NRXN1: variants seen among roughly 807,000 people sequenced by gnomAD.
NRXN1 encodes neurexin-1.
A neutral mutation model predicts 150.9 loss-of-function variants in NRXN1; 39 were observed. The observed-to-expected ratio is 0.26, with a 90% CI of 0.20 to 0.34. The LOEUF (loss-of-function observed/expected upper bound fraction) is 0.34, where lower values mean the gene tolerates loss of function less well. Ranked by LOEUF, NRXN1 falls within the 10% of genes least tolerant of loss-of-function variation. The pLI, the probability that NRXN1 is intolerant of heterozygous loss-of-function variation, is 1.00. For missense variants in NRXN1, 1,815 were observed against 1,949.9 expected (o/e 0.93, Z 1.30); for synonymous variants, 924 against 757.0 (o/e 1.22, Z -3.62).
At chr2:50,189,184 G>T (rs114171136) in intron 18 of NRXN1, among the ~76,000 whole-genome samples, 8,735 of 152,202 alleles carry the variant, frequency 0.057, 299 homozygotes, top group Middle Eastern at 0.11. Context: ...ATACTATGAA[G>T]TCATAAAAAG....
intron 2 of NRXN1, among the ~76,000 whole-genome samples, chr2:50,975,251 T>A (rs1339437730): frequency 6.6e-6 from 1 of 152,176 alleles, no homozygotes. Context: ...TAAATATTTA[T>A]AAACATAACC....
At chr2:50,508,245 C>A (rs1244753374) in intron 12 of NRXN1, among the ~76,000 whole-genome samples, 2 of 152,042 alleles carry the variant, frequency 1.3e-5, no homozygotes, top group East Asian at 1.9e-4. Context: ...TTATTTATAT[C>A]TGTTTGTATC....
chr2:50,473,689 A>G (rs975142742), intron 15 of NRXN1, among the ~76,000 whole-genome samples: 1 of 152,028 alleles, frequency 6.6e-6, no homozygotes, highest in Non-Finnish European at 1.5e-5. Context: ...CTTACTGTTC[A>G]CCTGGGTCCT....
intron 5 of NRXN1, among the ~76,000 whole-genome samples, chr2:50,668,748 C>T (rs1184779865): frequency 1.3e-5 from 2 of 151,952 alleles, no homozygotes; most frequent in Non-Finnish European, 2.9e-5. Context: ...ATTCCTCCTC[C>T]TCCTGGTTAC....
chr2:50,574,538 A>G (rs902528869), intron 8 of NRXN1, among the ~76,000 whole-genome samples: 1 of 152,114 alleles, frequency 6.6e-6, no homozygotes, highest in African/African-American at 2.4e-5. Flanking sequence ...AGATGCATAC[A>G]TAGAGGAAGT....
chr2:50,992,372 C>A (rs561080373), intron 2 of NRXN1, among the ~76,000 whole-genome samples: 34 of 152,070 alleles, frequency 2.2e-4, no homozygotes, highest in African/African-American at 6.7e-4. Flanking sequence ...TGTAAATATT[C>A]TACCCTCAAA....
chr2:50,616,881 A>T (rs1679146189), intron 8 of NRXN1, among the ~76,000 whole-genome samples: 1 of 152,230 alleles, frequency 6.6e-6, no homozygotes, highest in Admixed American at 6.6e-5. Context: ...TTACACATGC[A>T]GTGTGCTATC....
intron 21 of NRXN1, among the ~76,000 whole-genome samples, chr2:50,033,831 A>G (rs1689561229): frequency 6.6e-6 from 1 of 152,008 alleles, no homozygotes; most frequent in Non-Finnish European, 1.5e-5. Context: ...TGAACAGACA[A>G]TTTTCAAAAG....
intron 12 of NRXN1, among the ~76,000 whole-genome samples, chr2:50,515,603 GTGTGTGT>G: frequency 3.8e-5 from 2 of 52,058 alleles, no homozygotes; most frequent in African/African-American, 1.4e-4. Flanking sequence ...TGCTTGGGGT[GTGTGTGT>G]GTGTGTGTGT....
intron 17 of NRXN1, among the ~76,000 whole-genome samples, chr2:50,394,635 GT>G (rs199916365): frequency 1.3e-5 from 2 of 151,616 alleles, no homozygotes; most frequent in Non-Finnish European, 2.9e-5. Flanking sequence ...TCCTAATACG[GT>G]TTTTTTTCCT....
rs746040921 is a variant in NRXN1, at chr2:50,495,971, T to C, written c.3004A>G (p.Thr1002Ala). Reference protein sequence around the residue: ...MISRDTSNLHTVKIDTKITTQ... With the variant: ...MISRDTSNLHAVKIDTKITTQ... ...GTGATTTTTGTGTCAATCTTTACAG[T>C]GTGGAGGTTGCTGGTGTCCCTTGAT... The change falls in exon 15 of 23, where the codon ACT (threonine) becomes GCT (alanine). Residue 1002 changes from threonine to alanine, a missense_variant. Transcript: ENST00000401669. The C allele has an allele frequency of 2.5e-6, 4 of 1,613,458 alleles. No homozygotes were observed. Among genetic ancestry groups the C allele is most frequent in the South Asian group, 1.1e-5 (1 of 90,952 alleles).
Position 50,386,085 on chromosome 2 carries a change from A to G in NRXN1, c.3364+79357T>C, listed in dbSNP as rs540461067. Among the ~76,000 whole-genome samples, 4 of 152,130 alleles carry G rather than the reference A, an allele frequency of 2.6e-5. No homozygotes were observed. The South Asian group carries it at 8.3e-4, about 32-fold the overall frequency. On this transcript the variant is annotated intron_variant, in intron 17 of 22. Coordinates refer to ENST00000401669, the MANE Select transcript of NRXN1 (RefSeq NM_001330078.2). ...ATAGATCTCTACATAAAGTTTTTCT[A>G]TACTTTCCAATTTCTGTTTAATCAT...
At chr2:50,192,224 GT>G (rs530967518) in intron 18 of NRXN1, among the ~76,000 whole-genome samples, 15 of 152,262 alleles carry the variant, frequency 9.9e-5, no homozygotes, top group African/African-American at 3.6e-4. Flanking sequence ...ATTATTCAGT[GT>G]AATAAGAAAT....
At chr2:50,002,566 G>A (rs1041843677) in intron 21 of NRXN1, among the ~76,000 whole-genome samples, 1 of 152,072 alleles carries the variant, frequency 6.6e-6, no homozygotes, top group African/African-American at 2.4e-5. Flanking sequence ...AAACCTTTTT[G>A]AGAGTGGGAA....
At chr2:50,649,130 G>A (rs1468907603) in intron 5 of NRXN1, among the ~76,000 whole-genome samples, 1 of 151,874 alleles carries the variant, frequency 6.6e-6, no homozygotes, top group East Asian at 1.9e-4. Flanking sequence ...GAACCCATAG[G>A]ACTGATGAAC....
At chr2:50,238,045 C>G (rs1244985942) in intron 17 of NRXN1, among the ~76,000 whole-genome samples, 3 of 152,022 alleles carry the variant, frequency 2.0e-5, no homozygotes, top group African/African-American at 7.2e-5. Context: ...TTCCTGAGGC[C>G]TCCTCAGCCA....
At chr2:50,158,371 T>C (rs947385473) in intron 18 of NRXN1, among the ~76,000 whole-genome samples, 1 of 151,604 alleles carries the variant, frequency 6.6e-6, no homozygotes, top group Admixed American at 6.6e-5. Context: ...TCATCACTAT[T>C]TGCTGACATT....
intron 17 of NRXN1, among the ~76,000 whole-genome samples, chr2:50,407,142 C>T (rs2082805354): frequency 1.3e-5 from 2 of 152,044 alleles, no homozygotes; most frequent in Admixed American, 1.3e-4. Context: ...CTCCCATGGC[C>T]TCAATATTCT....
At chr2:50,972,719 C>G (rs1434312662) in intron 2 of NRXN1, among the ~76,000 whole-genome samples, 3 of 151,786 alleles carry the variant, frequency 2.0e-5, no homozygotes, top group Admixed American at 6.6e-5. Context: ...ATTGTAGATC[C>G]CTCACATGCA....
Sources: allele counts gnomAD v4.1 joint callset (sites outside exome capture counted in the v4.1 genomes callset), GRCh38; gene constraint gnomAD v4.1.1; transcripts MANE v1.5; gene names NCBI Gene and HGNC (gene_info 2026-07-23, HGNC 2026-07-21).